The following VAV3 variants were observed in gnomAD, a reference collection of about 807,000 sequenced individuals.
VAV3 encodes the protein guanine nucleotide exchange factor VAV3.
A neutral mutation model predicts 131.2 loss-of-function variants in VAV3; 94 were observed. That is an observed-to-expected ratio of 0.72 (90% confidence interval 0.61 to 0.85). The LOEUF is 0.85. Ranked by LOEUF, VAV3 falls within the 40% of genes least tolerant of loss-of-function variation. The pLI is 0.00. For missense variants in VAV3, 939 were observed against 1,002.7 expected (o/e 0.94, Z 0.86); for synonymous variants, 349 against 342.0 (o/e 1.02, Z -0.22).
intron 4 of VAV3, among the ~76,000 whole-genome samples, chr1:107,775,217 T>C (rs1665284290): frequency 1.6e-5 from 1 of 63,558 alleles, no homozygotes; most frequent in African/African-American, 5.2e-5. Context: ...TCTGCCTAAA[T>C]AACAGTGAAA....
At chr1:107,807,027 C>A (rs995538254) in intron 2 of VAV3, among the ~76,000 whole-genome samples, 8 of 152,104 alleles carry the variant, frequency 5.3e-5, no homozygotes, top group Non-Finnish European at 8.8e-5. Context: ...TGTACGTGTT[C>A]AGTACAGATG....
At chr1:107,670,147 C>A (rs779356028) in intron 19 of VAV3, among the ~76,000 whole-genome samples, 9 of 152,194 alleles carry the variant, frequency 5.9e-5, no homozygotes, top group Admixed American at 4.6e-4. Flanking sequence ...GCAGCTTGGA[C>A]TGAAAGTCAT....
At chr1:107,927,847 G>C (rs767652825) in intron 1 of VAV3, among the ~76,000 whole-genome samples, 1 of 152,140 alleles carries the variant, frequency 6.6e-6, no homozygotes, top group Non-Finnish European at 1.5e-5. Context: ...TGGGGCCTGG[G>C]GGAACTTGCT....
At chr1:107,891,080 T>C (rs1671288329) in intron 1 of VAV3, among the ~76,000 whole-genome samples, 1 of 152,102 alleles carries the variant, frequency 6.6e-6, no homozygotes, top group Non-Finnish European at 1.5e-5. Flanking sequence ...ACCACTGGCC[T>C]GGTTTCCACA....
intron 22 of VAV3, 191 bp downstream of exon 22, chr1:107,609,740 C>A (rs1158310906): frequency 2.3e-5 from 13 of 574,034 alleles, no homozygotes; most frequent in Non-Finnish European, 4.0e-5. Flanking sequence ...TGCACACACA[C>A]CCCCCTCGCA....
At chr1:107,960,842 A>G (rs1187315405) in intron 1 of VAV3, among the ~76,000 whole-genome samples, 1 of 152,180 alleles carries the variant, frequency 6.6e-6, no homozygotes, top group East Asian at 1.9e-4. Flanking sequence ...ACTACCTTCT[A>G]TAAAATTGTA....
intron 17 of VAV3, 76 bp from the exon 18 acceptor site, chr1:107,688,482 G>C: frequency 6.2e-7 from 1 of 1,602,110 alleles, no homozygotes. Flanking sequence ...TTTCTCTGCA[G>C]AGTGGTAAAA....
chr1:107,776,873 C>T (rs1226661069), intron 4 of VAV3, among the ~76,000 whole-genome samples: 1 of 152,224 alleles, frequency 6.6e-6, no homozygotes, highest in African/African-American at 2.4e-5. Flanking sequence ...TTATCTCTCC[C>T]TTCCTTGAAC....
intron 25 of VAV3, among the ~76,000 whole-genome samples, chr1:107,584,061 A>C (rs1411473130): frequency 6.6e-6 from 1 of 152,218 alleles, no homozygotes; most frequent in East Asian, 1.9e-4. Context: ...AAACAGAGAT[A>C]TAGATCAAAG....
intron 19 of VAV3, among the ~76,000 whole-genome samples, chr1:107,658,660 A>T (rs1339066229): frequency 6.6e-6 from 1 of 152,010 alleles, no homozygotes; most frequent in Non-Finnish European, 1.5e-5. Flanking sequence ...GTGAGATGGT[A>T]TCTTATTGTG....
chr1:107,716,933 T>G (rs1486942688), intron 15 of VAV3, among the ~76,000 whole-genome samples: 4 of 152,220 alleles, frequency 2.6e-5, no homozygotes, highest in African/African-American at 9.6e-5. Flanking sequence ...ATTGGTATAC[T>G]CAGGGATTCA....
At chr1:107,655,789 A>G (rs1015432784) in intron 19 of VAV3, among the ~76,000 whole-genome samples, 2 of 152,178 alleles carry the variant, frequency 1.3e-5, no homozygotes, top group African/African-American at 2.4e-5. Flanking sequence ...AAATGAGCTA[A>G]AGATCTGAGT....
chr1:107,757,774 GC>G (rs1664196402), intron 10 of VAV3, among the ~76,000 whole-genome samples: 1 of 151,916 alleles, frequency 6.6e-6, no homozygotes, highest in African/African-American at 2.4e-5. Context: ...CTAAATTTCT[GC>G]CTCCTCCTCA....
At chr1:107,615,236 T>C (rs1653055068) in intron 21 of VAV3, among the ~76,000 whole-genome samples, 1 of 152,072 alleles carries the variant, frequency 6.6e-6, no homozygotes, top group South Asian at 2.1e-4. Context: ...CCCTGTTCAG[T>C]AAAGGGGAGA....
intron 19 of VAV3, among the ~76,000 whole-genome samples, chr1:107,672,773 A>G (rs867466312): frequency 6.6e-6 from 1 of 152,222 alleles, no homozygotes; most frequent in Non-Finnish European, 1.5e-5. Context: ...AAAATAATCT[A>G]TCTCACTAAA....
At chr1:107,964,643 G>A (rs376801742) in intron 1 of VAV3, 23 bp downstream of exon 1, 2 of 1,605,036 alleles carry the variant, frequency 1.2e-6, no homozygotes, top group Admixed American at 1.7e-5. Context: ...CTGGAGGCGG[G>A]GCGCCCGTGC....
chr1:107,702,743 G>A (rs1176174300), intron 17 of VAV3, among the ~76,000 whole-genome samples: 2 of 150,524 alleles, frequency 1.3e-5, no homozygotes, highest in Non-Finnish European at 1.5e-5. Flanking sequence ...TCCCATCCAC[G>A]TGTACTCCAG....
intron 15 of VAV3, among the ~76,000 whole-genome samples, chr1:107,716,683 G>A (rs541786921): frequency 1.2e-4 from 19 of 152,166 alleles, no homozygotes; most frequent in Non-Finnish European, 2.8e-4. Flanking sequence ...AGGGATATTG[G>A]TCTAAAATTC....
intron 22 of VAV3, among the ~76,000 whole-genome samples, chr1:107,603,643 C>T (rs1373372427): frequency 1.3e-5 from 2 of 151,838 alleles, no homozygotes; most frequent in Admixed American, 6.6e-5. Flanking sequence ...TTAATTCATT[C>T]GTCCACAATT....
Sources: allele counts gnomAD v4.1 joint callset (sites outside exome capture counted in the v4.1 genomes callset), GRCh38; gene constraint gnomAD v4.1.1; transcripts MANE v1.5; gene names NCBI Gene and HGNC (gene_info 2026-07-23, HGNC 2026-07-21).